DCAF1: variants seen among roughly 807,000 people sequenced by gnomAD.
The protein encoded by DCAF1 is DDB1- and CUL4-associated factor 1.
A neutral mutation model predicts 128.0 loss-of-function variants in DCAF1; 15 were observed. The ratio of observed to expected loss-of-function variants is 0.12; its 90% CI spans 0.08 to 0.18. DCAF1 has a LOEUF of 0.18. DCAF1 is among the 10% of genes least tolerant of loss of function. DCAF1 has a pLI of 1.00. For synonymous variants in DCAF1, 610 were observed against 603.0 expected (o/e 1.01, Z -0.17); for missense variants, 988 against 1,649.5 (o/e 0.60, Z 6.95).
intron 1 of DCAF1, among the ~76,000 whole-genome samples, chr3:51,499,305 T>G (rs1473149465): frequency 6.6e-6 from 1 of 152,156 alleles, no homozygotes; most frequent in Non-Finnish European, 1.5e-5. Flanking sequence ...AACCCTTCCC[T>G]CTTTCATGGG....
At chr3:51,446,999 T>TAATAATAAA (rs370193180) in intron 6 of DCAF1, among the ~76,000 whole-genome samples, 5,607 of 147,996 alleles carry the variant, frequency 0.038, 188 homozygotes, top group Non-Finnish European at 0.054. Context: ...ATAATAATAA[T>TAATAATAAA]AAAATGTTTT....
At chr3:51,463,069 A>G in intron 6 of DCAF1, 45 bp downstream of exon 6, 1 of 1,336,096 alleles carries the variant, frequency 7.5e-7, no homozygotes. Context: ...ATACATCATA[A>G]TTCAATTACA....
intron 23 of DCAF1, among the ~76,000 whole-genome samples, chr3:51,407,984 CAAAAAAAAAAAAAA>C (rs59224025): frequency 1.7e-4 from 9 of 52,548 alleles, no homozygotes; most frequent in Non-Finnish European, 2.5e-4. Flanking sequence ...GACTCCATCT[CAAAAAAAAAAAAAA>C]AAAAAAAAAA....
intron 5 of DCAF1, among the ~76,000 whole-genome samples, chr3:51,464,169 T>C (rs1703896644): frequency 6.6e-6 from 1 of 152,042 alleles, no homozygotes; most frequent in Non-Finnish European, 1.5e-5. Flanking sequence ...CACCACTGCA[T>C]ATACACTTTT....
At chr3:51,478,541 TCA>T (rs1230121804) in intron 3 of DCAF1, among the ~76,000 whole-genome samples, 1 of 151,750 alleles carries the variant, frequency 6.6e-6, no homozygotes, top group Non-Finnish European at 1.5e-5. Flanking sequence ...TCTCCTCCTT[TCA>T]CAGCCACATC....
chr3:51,480,843 G>A (rs1047250868), intron 3 of DCAF1, among the ~76,000 whole-genome samples: 4 of 151,638 alleles, frequency 2.6e-5, no homozygotes, highest in Admixed American at 6.6e-5. Context: ...TACTAGAACC[G>A]TTTTTTTTAC....
chr3:51,472,455 T>C (rs1349763947), intron 3 of DCAF1, among the ~76,000 whole-genome samples: 4 of 151,690 alleles, frequency 2.6e-5, no homozygotes, highest in Non-Finnish European at 5.9e-5. Context: ...AGCATAAACA[T>C]AGCACACTAC....
At chr3:51,498,359 CA>C (rs1321782275) in intron 1 of DCAF1, among the ~76,000 whole-genome samples, 3 of 88,226 alleles carry the variant, frequency 3.4e-5, no homozygotes, top group African/African-American at 1.3e-4. Context: ...GACGCTGTCT[CA>C]AAAAAAAAGA....
chr3:51,457,895 C>A (rs1311467287), intron 6 of DCAF1, among the ~76,000 whole-genome samples: 1 of 152,166 alleles, frequency 6.6e-6, no homozygotes, highest in African/African-American at 2.4e-5. Flanking sequence ...GCCTGCCTTA[C>A]AAGAGCTCCT....
At chr3:51,434,932 T>C (rs1700683082) in intron 9 of DCAF1, among the ~76,000 whole-genome samples, 1 of 152,032 alleles carries the variant, frequency 6.6e-6, no homozygotes, top group South Asian at 2.1e-4. Flanking sequence ...CCCTACTGTT[T>C]CCCATGCCAA....
chr3:51,504,594 C>T (rs1708898692), upstream of DCAF1, among the ~76,000 whole-genome samples: 1 of 152,128 alleles, frequency 6.6e-6, no homozygotes, highest in African/African-American at 2.4e-5. Context: ...GTGATCCACC[C>T]ACCTTGGCCT....
chr3:51,444,837 G>A (rs1017412039), intron 6 of DCAF1, among the ~76,000 whole-genome samples: 26 of 150,510 alleles, frequency 1.7e-4, no homozygotes, highest in Non-Finnish European at 2.4e-4. Flanking sequence ...CACCACGCCC[G>A]GCTAATTTTT....
chr3:51,489,745 C>G (rs1485744337), intron 2 of DCAF1, among the ~76,000 whole-genome samples: 1 of 150,912 alleles, frequency 6.6e-6, no homozygotes, highest in Non-Finnish European at 1.5e-5. Context: ...CAAGATTGCA[C>G]CAGTGCAATC....
intron 2 of DCAF1, among the ~76,000 whole-genome samples, chr3:51,484,155 A>G (rs1203558284): frequency 1.6e-4 from 24 of 152,058 alleles, no homozygotes; most frequent in Non-Finnish European, 4.4e-5. Context: ...TGAGACAAAA[A>G]ATATGGTACC....
intron 23 of DCAF1, among the ~76,000 whole-genome samples, chr3:51,409,996 A>G (rs1364316846): frequency 5.3e-5 from 8 of 152,206 alleles, no homozygotes; most frequent in African/African-American, 1.7e-4. Context: ...CCTTCTACCC[A>G]TATCTCATAA....
At chr3:51,485,885 A>AT (rs10536057) in intron 2 of DCAF1, among the ~76,000 whole-genome samples, 12 of 136,788 alleles carry the variant, frequency 8.8e-5, no homozygotes, top group South Asian at 4.6e-4. Context: ...AAGATTATTT[A>AT]TTTTTTTTTT....
chr3:51,439,442 ATT>A (rs1191716094), intron 9 of DCAF1, among the ~76,000 whole-genome samples: 2 of 128,420 alleles, frequency 1.6e-5, no homozygotes, highest in Non-Finnish European at 1.6e-5. Context: ...TGCTATTTCT[ATT>A]TTTTTTTTTT....
At chr3:51,448,680 C>G (rs548184832) in intron 6 of DCAF1, among the ~76,000 whole-genome samples, 62 of 152,282 alleles carry the variant, frequency 4.1e-4, no homozygotes, top group Middle Eastern at 3.4e-3. Flanking sequence ...TGTTAAATAA[C>G]TATTACCGGT....
intron 6 of DCAF1, among the ~76,000 whole-genome samples, chr3:51,447,237 C>T (rs920477582): frequency 1.3e-5 from 2 of 151,208 alleles, no homozygotes; most frequent in South Asian, 2.1e-4. Context: ...TGGTGAAACC[C>T]CGTCTCTACT....
Sources: allele counts gnomAD v4.1 joint callset (sites outside exome capture counted in the v4.1 genomes callset), GRCh38; gene constraint gnomAD v4.1.1; transcripts MANE v1.5; gene names NCBI Gene and HGNC (gene_info 2026-07-23, HGNC 2026-07-21).